The following ADAMTS6 variants were observed in gnomAD, a reference collection of about 807,000 sequenced individuals.
The protein encoded by ADAMTS6 is A disintegrin and metalloproteinase with thrombospondin motifs 6.
A neutral mutation model predicts 144.3 loss-of-function variants in ADAMTS6; 23 were observed. That is an observed-to-expected ratio of 0.16 (90% CI 0.11 to 0.23). The LOEUF is 0.23. Ranked by LOEUF, ADAMTS6 falls within the 10% of genes least tolerant of loss-of-function variation. ADAMTS6 has a pLI of 1.00. For missense variants in ADAMTS6, 999 were observed against 1,379.6 expected (o/e 0.72, Z 4.37); for synonymous variants, 444 against 457.5 (o/e 0.97, Z 0.38).
At chr5:65,329,586 CAGA>C (rs1415333743) in intron 8 of ADAMTS6, 103 bp from the exon 9 acceptor site, 9 of 929,006 alleles carry the variant, frequency 9.7e-6, no homozygotes, top group African/African-American at 1.7e-5. Flanking sequence ...CCTCCATGCA[CAGA>C]AGGAGCCGTT....
In ADAMTS6 at chr5:65,191,974, CT is replaced by C. The variant is rs949768664; in HGVS notation, c.2706-3755del. ...TCACTGGATATTAGCATACCTCAGT[CT>C]GTGAAATGATGGGAGTGGACCTAAA... On this transcript the variant is annotated intron_variant, in intron 21 of 24. Transcript: ENST00000381055. Among the ~76,000 whole-genome samples, 5 of 152,128 alleles carry C rather than the reference CT, an allele frequency of 3.3e-5. No homozygotes were observed. In the East Asian group the frequency reaches 9.7e-4, roughly 29 times the overall value.
intron 16 of ADAMTS6, among the ~76,000 whole-genome samples, chr5:65,225,299 C>T (rs1052469692): frequency 3.9e-5 from 6 of 152,160 alleles, no homozygotes; most frequent in African/African-American, 1.4e-4. Flanking sequence ...AAATATCATA[C>T]ACAAACTGAA....
chr5:65,446,931 T>C (rs1339314321), intron 7 of ADAMTS6, among the ~76,000 whole-genome samples: 3 of 152,160 alleles, frequency 2.0e-5, no homozygotes, highest in African/African-American at 7.2e-5. Flanking sequence ...GTGAATTGTA[T>C]ACTTTAAATG....
chr5:65,260,584 G>A lies in ADAMTS6; in HGVS notation c.1830+16C>T, dbSNP rs761368426. The A allele has an allele frequency of 1.9e-6, 3 of 1,609,318 alleles. No individual in the cohort carries two copies. The highest frequency in any genetic ancestry group is 2.5e-6 in the Non-Finnish European group (3 of 1,177,466). ...GAGTAAGCTAATTTTTCATAACAGA[G>A]TTTGGTTTTACTTACATCTGTGTTA... is the stretch of plus-strand genomic sequence containing the variant. On this transcript the variant is annotated intron_variant, in intron 14 of 24. Coordinates refer to ENST00000381055, the MANE Select transcript of ADAMTS6 (RefSeq NM_197941.4).
chr5:65,279,716 C>G (rs1485472540), intron 11 of ADAMTS6, among the ~76,000 whole-genome samples: 1 of 152,188 alleles, frequency 6.6e-6, no homozygotes, highest in Non-Finnish European at 1.5e-5. Context: ...TAGTTATTAT[C>G]TCTTTTAATG....
At chr5:65,285,041 T>C (rs1299355994) in intron 11 of ADAMTS6, among the ~76,000 whole-genome samples, 1 of 152,198 alleles carries the variant, frequency 6.6e-6, no homozygotes, top group Non-Finnish European at 1.5e-5. Context: ...AGGCTGTGTT[T>C]GGAGGGCAAG....
At chr5:65,477,583 G>A (rs1317130589) in intron 1 of ADAMTS6, among the ~76,000 whole-genome samples, 2 of 152,090 alleles carry the variant, frequency 1.3e-5, no homozygotes, top group Non-Finnish European at 2.9e-5. Context: ...ATACCTATTT[G>A]GCCAGAAGTA....
intron 7 of ADAMTS6, among the ~76,000 whole-genome samples, chr5:65,432,394 G>T (rs1394055402): frequency 2.6e-5 from 4 of 151,598 alleles, no homozygotes; most frequent in Non-Finnish European, 4.4e-5. Context: ...CAATTCTTTG[G>T]GATAAAAGAA....
intron 10 of ADAMTS6, chr5:65,297,168 TG>T (rs1561392379): frequency 2.2e-6 from 1 of 453,778 alleles, no homozygotes; most frequent in Non-Finnish European, 4.4e-6. Context: ...TTAACGGAAA[TG>T]GGTTCTTTAT....
chr5:65,451,482 T>A lies in ADAMTS6; in HGVS notation c.1066A>T (p.Ile356Phe), dbSNP rs746554399. Residue 356 changes from isoleucine to phenylalanine, a missense_variant, in exon 7 of 25, where the codon ATT becomes TTT. Physicochemically the swap from Ile to Phe is conservative, Grantham distance 21. Transcript: ENST00000381055. ...GIAHHDNAVLITRYDICTYKN... is the reference protein window; with the variant it reads ...GIAHHDNAVLFTRYDICTYKN... ...ACTTGCAACAAACCATACCTAGTAATAAGAACTGCATTATCGTGGTGGGCA... is the reference window on the plus strand; with the variant it reads ...ACTTGCAACAAACCATACCTAGTAAAAAGAACTGCATTATCGTGGTGGGCA... The A allele has an allele frequency of 3.7e-6, 6 of 1,613,112 alleles. No individual in the cohort carries two copies.
chr5:65,201,138 A>G (rs1755711509), intron 20 of ADAMTS6, among the ~76,000 whole-genome samples: 1 of 152,190 alleles, frequency 6.6e-6, no homozygotes, highest in Admixed American at 6.5e-5. Context: ...GAAAAGGTGC[A>G]AGAAGCCCAT....
rs114030755 is a variant in ADAMTS6 at position 65,217,135 on chromosome 5, A to G, written c.2273-1648T>C. Among the ~76,000 whole-genome samples, 1,125 of 152,306 alleles carry G rather than the reference A, an allele frequency of 7.4e-3. 13 individuals are homozygous for G. The highest frequency in any genetic ancestry group is 0.026 in the African/African-American group (1,067 of 41,562). ...GTTTTGAAGATTCATTTAATCTTCA[A>G]AATAAATCTAATTAACCTTTTGAGA... is the stretch of plus-strand genomic sequence containing the variant. On this transcript the variant is annotated intron_variant, in intron 18 of 24. Coordinates refer to ENST00000381055, the MANE Select transcript of ADAMTS6 (RefSeq NM_197941.4).
At chr5:65,369,145 A>G (rs537714149) in intron 7 of ADAMTS6, among the ~76,000 whole-genome samples, 1 of 152,324 alleles carries the variant, frequency 6.6e-6, no homozygotes, top group East Asian at 1.9e-4. Flanking sequence ...CCTTGATCCC[A>G]GGAGTTTGAA....
At chr5:65,332,319 AG>A (rs1189851668) in intron 8 of ADAMTS6, among the ~76,000 whole-genome samples, 13 of 138,988 alleles carry the variant, frequency 9.4e-5, no homozygotes, top group Non-Finnish European at 1.6e-4. Flanking sequence ...ATATAGAGAG[AG>A]AGAGAGAGAG....
intron 14 of ADAMTS6, among the ~76,000 whole-genome samples, chr5:65,248,519 G>A (rs1759839589): frequency 6.6e-6 from 1 of 152,082 alleles, no homozygotes; most frequent in African/African-American, 2.4e-5. Context: ...TAAAAAACAG[G>A]TCAGGCATAA....
chr5:65,266,176 G>A (rs1761615840), intron 12 of ADAMTS6, among the ~76,000 whole-genome samples: 1 of 151,816 alleles, frequency 6.6e-6, no homozygotes. Flanking sequence ...CACATTTCTA[G>A]AATGCTCACA....
intron 7 of ADAMTS6, among the ~76,000 whole-genome samples, chr5:65,442,996 A>C (rs1157119435): frequency 6.6e-6 from 1 of 152,216 alleles, no homozygotes; most frequent in South Asian, 2.1e-4. Flanking sequence ...ATGTCCCTGC[A>C]AAAGACATAA....
chr5:65,178,298 C>A (rs971114886), intron 22 of ADAMTS6, among the ~76,000 whole-genome samples: 1 of 152,206 alleles, frequency 6.6e-6, no homozygotes, highest in Non-Finnish European at 1.5e-5. Flanking sequence ...TCAACTCTCA[C>A]GTCTATTTAG....
chr5:65,370,932 C>G (rs933651064), intron 7 of ADAMTS6, among the ~76,000 whole-genome samples: 1 of 152,190 alleles, frequency 6.6e-6, no homozygotes, highest in Non-Finnish European at 1.5e-5. Context: ...GATCTGAGAA[C>G]GGGCAGACTG....
Sources: allele counts gnomAD v4.1 joint callset (sites outside exome capture counted in the v4.1 genomes callset), GRCh38; gene constraint gnomAD v4.1.1; transcripts MANE v1.5; gene names NCBI Gene and HGNC (gene_info 2026-07-23, HGNC 2026-07-21).